SERAC1: variants seen among roughly 807,000 people sequenced by gnomAD.
The protein encoded by SERAC1 is serine active site containing 1, also known as protein SERAC1.
Under a neutral mutation model 85.7 loss-of-function variants are expected in SERAC1, and 36 were observed. The ratio of observed to expected loss-of-function variants is 0.42; its 90% CI spans 0.32 to 0.55. The LOEUF is 0.55. SERAC1 is among the 20% of genes least tolerant of loss of function. SERAC1 has a pLI of 0.11. For synonymous variants in SERAC1, 242 were observed against 265.3 expected, an observed-to-expected ratio of 0.91 and a Z score of 0.85; for missense variants, 629 against 796.2, an observed-to-expected ratio of 0.79 and a Z score of 2.53.
intron 15 of SERAC1, among the ~76,000 whole-genome samples, chr6:158,113,879 T>G (rs1784209250): frequency 6.6e-6 from 1 of 152,010 alleles, no homozygotes; most frequent in Non-Finnish European, 1.5e-5. Context: ...GGTCCTCCAG[T>G]GTGATGATGG....
At position 158,111,043 on chromosome 6, in the gene SERAC1, A is replaced by G. The variant is rs561899989; in HGVS notation, c.*323T>C. The G allele has an allele frequency of 1.1e-5, 2 of 179,520 alleles. No homozygotes were observed. The highest frequency in any genetic ancestry group is 3.8e-4 in the South Asian group (2 of 5,320). 11.1% of individuals were successfully genotyped at this position (179,520 alleles called of 1,614,324 possible). A position where few individuals can be genotyped will look rare whatever the true frequency, so the allele number is the denominator to read the frequency against. On this transcript the variant is annotated 3_prime_UTR_variant, in exon 17 of 17. Transcript: ENST00000647468. ...CGTGCCCCTCCTGGATGCACCAGGA[A>G]AGTCACAGATGGGAAAGGACACTCT...
At position 158,163,581 on chromosome 6, in the gene SERAC1, A is replaced by T. The variant is rs1032966384; in HGVS notation, c.-2+4559T>A. Among the ~76,000 whole-genome samples the T allele has an allele frequency of 3.9e-5, 6 of 152,284 alleles. No homozygotes were observed. The East Asian group carries it at 9.6e-4, about 24-fold the overall frequency. ...GACTGCTGGAGCTCAGGAGCCCAAC[A>T]CCAGCCTAGGCAATACAGTGAGACC... is the stretch of plus-strand genomic sequence containing the variant. On this transcript the variant is annotated intron_variant, in intron 1 of 16. Transcript: ENST00000647468.
At chr6:158,114,639 A>G in intron 15 of SERAC1, 150 bp downstream of exon 15, 1 of 1,165,016 alleles carries the variant, frequency 8.6e-7, no homozygotes, top group Non-Finnish European at 1.1e-6. Flanking sequence ...AGAAAAATCA[A>G]GCCCAACCCA....
At position 158,117,692 on chromosome 6, in the gene SERAC1, T is replaced by G; in HGVS notation, c.1403+35A>C. ...GACCTAAACTTGCGGCCTGAATTCT[T>G]CCCTGTCCTCCTGGTCTAAAGTCGC... On this transcript the variant is annotated intron_variant, in intron 13 of 16. Transcript: ENST00000647468. This position sits in a 1 kb window ranked among gnomAD's most constrained non-coding sequence, Gnocchi z 4.3. 1 of 1,612,688 alleles carries G rather than the reference T, an allele frequency of 6.2e-7. No individual in the cohort carries two copies. The highest frequency in any genetic ancestry group is 8.5e-7 in the Non-Finnish European group (1 of 1,178,828).
chr6:158,144,033 A>G (rs539222668), intron 7 of SERAC1, among the ~76,000 whole-genome samples: 1 of 152,268 alleles, frequency 6.6e-6, no homozygotes, highest in South Asian at 2.1e-4. Context: ...GGACCAACTC[A>G]TGGATGCTGA....
chr6:158,131,722 A>G (rs1784681401), intron 8 of SERAC1, among the ~76,000 whole-genome samples: 2 of 152,072 alleles, frequency 1.3e-5, no homozygotes, highest in Non-Finnish European at 1.5e-5. Flanking sequence ...CATGCCCTTT[A>G]ATAATTGATC....
chr6:158,127,115 C>A (rs550134891), intron 10 of SERAC1, among the ~76,000 whole-genome samples: 1 of 152,104 alleles, frequency 6.6e-6, no homozygotes, highest in South Asian at 2.1e-4. Context: ...CTCCTATGAT[C>A]ATCTACAATA....
intron 15 of SERAC1, chr6:158,114,393 A>G (rs1345636819): frequency 1.3e-6 from 1 of 753,570 alleles, no homozygotes; most frequent in African/African-American, 1.9e-5. Flanking sequence ...AAAACTGCTT[A>G]TCAAACCAGA....
chr6:158,156,928 A>G (rs12196392), intron 2 of SERAC1, among the ~76,000 whole-genome samples: 1,027 of 77,322 alleles, frequency 0.013, 18 homozygotes, highest in East Asian at 0.028. Context: ...AAATATTAAT[A>G]TATTTATATA....
intron 2 of SERAC1, 68 bp from the exon 3 acceptor site, chr6:158,155,419 T>C: frequency 1.1e-6 from 1 of 878,240 alleles, no homozygotes; most frequent in Non-Finnish European, 1.9e-6. Context: ...TAGGCAACAG[T>C]GTAAGTCTCT....
intron 8 of SERAC1, among the ~76,000 whole-genome samples, chr6:158,139,436 TAATA>T (rs1009584849): frequency 2.0e-5 from 3 of 152,174 alleles, no homozygotes; most frequent in Non-Finnish European, 4.4e-5. Context: ...TCAACATATC[TAATA>T]AGAGATTTGT....
intron 1 of SERAC1, among the ~76,000 whole-genome samples, chr6:158,165,277 T>G (rs1371131844): frequency 1.3e-5 from 2 of 152,062 alleles, no homozygotes; most frequent in African/African-American, 4.8e-5. Flanking sequence ...TGCCTCAGCC[T>G]CCCAAGTAGC....
chr6:158,129,561 T>A (rs1784621289), intron 9 of SERAC1, among the ~76,000 whole-genome samples: 1 of 152,172 alleles, frequency 6.6e-6, no homozygotes, highest in Non-Finnish European at 1.5e-5. Context: ...ACTACAAGGT[T>A]TGTTGCTTTT....
In SERAC1 at chr6:158,113,568, TG is replaced by T; in HGVS notation, c.1708del (p.Gln570LysfsTer16). 1.9e-6 allele frequency: 3 copies of T among 1,613,994 alleles called. No individual in the cohort carries two copies. The highest frequency in any genetic ancestry group is 2.5e-6 in the Non-Finnish European group (3 of 1,179,862). ...SKDSPALKTL[Q>X]DDFLEFAKDK... is the part of the protein sequence containing the mutation. ...TTTAGCAAACTCCAGAAAGTCATCT[TG>T]TAGTGTTTTAAGTGCAGGAGAATCT... On this transcript the variant is annotated frameshift_variant, in exon 16 of 17. Coordinates refer to ENST00000647468, the MANE Select transcript of SERAC1 (RefSeq NM_032861.4). LOFTEE classifies it high-confidence loss of function.
rs770304974 is a variant in SERAC1 at position 158,128,125 on chromosome 6, G to A, written c.998C>T (p.Ser333Phe). The A allele has an allele frequency of 1.9e-6, 3 of 1,612,590 alleles. No homozygotes were observed. The highest frequency in any genetic ancestry group is 2.2e-5 in the East Asian group (1 of 44,874). The change falls in exon 10 of 17, where the codon TCT becomes TTT. Residue 333 changes from serine (S) to phenylalanine (F), a missense_variant. By Grantham distance (155) the Ser-to-Phe change is radical. Coordinates refer to ENST00000647468, the MANE Select transcript of SERAC1 (RefSeq NM_032861.4). ...GNMALNEHLH[S>F]SIVRSGWVSI... ...GCTGTTACCTGAGCGAACTATAGAAGAATGAAGATGTTCATTCAAAGCCAT... is the reference window on the plus strand; with the variant it reads ...GCTGTTACCTGAGCGAACTATAGAAAAATGAAGATGTTCATTCAAAGCCAT...
At chr6:158,114,687 A>G in intron 15 of SERAC1, 102 bp downstream of exon 15, 1 of 1,569,650 alleles carries the variant, frequency 6.4e-7, no homozygotes, top group South Asian at 1.2e-5. Context: ...TTATATACAA[A>G]TTATAAAATG....
At chr6:158,118,883 T>C in intron 12 of SERAC1, 146 bp downstream of exon 12, 2 of 966,694 alleles carry the variant, frequency 2.1e-6, no homozygotes, top group East Asian at 5.2e-5. Flanking sequence ...CCAGTTGTTG[T>C]CAAAACATAC....
At chr6:158,126,524 C>T (rs1784543324) in intron 10 of SERAC1, among the ~76,000 whole-genome samples, 1 of 152,032 alleles carries the variant, frequency 6.6e-6, no homozygotes, top group Non-Finnish European at 1.5e-5. Flanking sequence ...AGGACTCTTG[C>T]TTCCAGTAGA....
chr6:158,144,351 T>G lies in SERAC1; in HGVS notation c.557A>C (p.Glu186Ala). 6.2e-7 allele frequency: 1 copy of G among 1,613,652 alleles called. No homozygotes were observed. The highest frequency in any genetic ancestry group is 8.5e-7 in the Non-Finnish European group (1 of 1,179,636). The change falls in exon 7 of 17, where the codon GAG (glutamate) becomes GCG (alanine). Residue 186 changes from glutamate (E) to alanine (A), a missense_variant. Glu to Ala is a moderately radical substitution (Grantham distance 107). Coordinates refer to ENST00000647468, the MANE Select transcript of SERAC1 (RefSeq NM_032861.4). ...TAGGAGAAAAAAGCGAAGATCACTC[T>G]CTTCGCTTCGTGCCAAACCAATAAG... ...KTLIGLARSE[E>A]SDLRFFLLPP...
Sources: allele counts gnomAD v4.1 joint callset (sites outside exome capture counted in the v4.1 genomes callset), GRCh38; gene constraint gnomAD v4.1.1; non-coding constraint Gnocchi (gnomAD v3.1); transcripts MANE v1.5; gene names NCBI Gene and HGNC (gene_info 2026-07-23, HGNC 2026-07-21).